ADAM9: variants seen among roughly 807,000 people sequenced by gnomAD.
ADAM9 encodes disintegrin and metalloproteinase domain-containing protein 9.
Under a neutral mutation model 108.1 loss-of-function variants are expected in ADAM9, and 54 were observed. The observed-to-expected ratio is 0.50, with a 90% CI of 0.40 to 0.63. The LOEUF (loss-of-function observed/expected upper bound fraction) is 0.63, where lower values mean the gene tolerates loss of function less well. ADAM9 is among the 20% of genes least tolerant of loss of function. The pLI, the probability that ADAM9 is intolerant of heterozygous loss-of-function variation, is 0.00. For synonymous variants in ADAM9, 316 were observed against 336.0 expected, an observed-to-expected ratio of 0.94 and a Z score of 0.65; for missense variants, 830 against 997.7, an observed-to-expected ratio of 0.83 and a Z score of 2.26.
At chr8:39,091,146 C>G in intron 19 of ADAM9, 113 bp from the exon 20 acceptor site, 1 of 974,884 alleles carries the variant, frequency 1.0e-6, no homozygotes, top group Non-Finnish European at 1.6e-6. Context: ...GATTATCATC[C>G]CCACCACTAC....
chr8:39,100,466 C>A (rs1349903782), intron 20 of ADAM9, among the ~76,000 whole-genome samples: 1 of 148,082 alleles, frequency 6.8e-6, no homozygotes, highest in Non-Finnish European at 1.5e-5. Flanking sequence ...GCACTCCAGC[C>A]AGGGCGACAG....
intron 14 of ADAM9, among the ~76,000 whole-genome samples, chr8:39,060,239 C>T (rs1295127688): frequency 6.6e-6 from 1 of 152,190 alleles, no homozygotes; most frequent in African/African-American, 2.4e-5. Context: ...CTGCACTGCA[C>T]CTGACCTATA....
chr8:39,012,457 A>G (rs1035348825), intron 3 of ADAM9, among the ~76,000 whole-genome samples: 4 of 152,234 alleles, frequency 2.6e-5, no homozygotes, highest in African/African-American at 9.6e-5. Context: ...TATATACCCA[A>G]TAGATTATAA....
At chr8:38,997,620 A>T (rs376614033) in intron 1 of ADAM9, among the ~76,000 whole-genome samples, 62 of 152,306 alleles carry the variant, frequency 4.1e-4, no homozygotes, top group African/African-American at 1.4e-3. Context: ...CTGAGAGATG[A>T]AACTTTTGCT....
At chr8:39,002,309 A>ATT (rs1836020341) in intron 1 of ADAM9, among the ~76,000 whole-genome samples, 1 of 107,494 alleles carries the variant, frequency 9.3e-6, no homozygotes, top group Non-Finnish European at 2.0e-5. Flanking sequence ...ATTAGGTAGA[A>ATT]TTCTTTTTTT....
chr8:39,038,028 T>G (rs1450872107), intron 11 of ADAM9, among the ~76,000 whole-genome samples: 1 of 152,184 alleles, frequency 6.6e-6, no homozygotes, highest in Non-Finnish European at 1.5e-5. Flanking sequence ...TTTCTCACTC[T>G]TCATCTTAAT....
At chr8:39,038,598 A>G (rs1837357683) in intron 11 of ADAM9, among the ~76,000 whole-genome samples, 1 of 152,190 alleles carries the variant, frequency 6.6e-6, no homozygotes, top group Admixed American at 6.5e-5. Context: ...CTGAATCATA[A>G]TCATAACCTT....
chr8:39,100,536 A>G (rs187144913), intron 20 of ADAM9, among the ~76,000 whole-genome samples: 4 of 151,800 alleles, frequency 2.6e-5, no homozygotes, highest in East Asian at 1.9e-4. Context: ...TCCCATACCC[A>G]TCACCTCACC....
chr8:39,021,775 A>G (rs776941930), intron 8 of ADAM9, 61 bp downstream of exon 8: 2 of 1,457,828 alleles, frequency 1.4e-6, no homozygotes, highest in African/African-American at 2.8e-5. Flanking sequence ...CCCAGAACAG[A>G]ACTTAAAAAT....
At chr8:39,023,517 C>CT (rs1356628327) in intron 9 of ADAM9, among the ~76,000 whole-genome samples, 192 bp downstream of exon 9, 3 of 151,956 alleles carry the variant, frequency 2.0e-5, no homozygotes, top group Admixed American at 6.6e-5. Context: ...CCATATCCTC[C>CT]TTTTTTCTTG....
chr8:39,014,666 C>CA (rs1836468174), intron 4 of ADAM9: 20 of 670,722 alleles, frequency 3.0e-5, no homozygotes, highest in Non-Finnish European at 5.1e-5. Flanking sequence ...AGGTATTATA[C>CA]CTTTTTTTCT....
chr8:39,045,389 TGTGTACACACACCTATATGTGC>T (rs1564301314), intron 12 of ADAM9, among the ~76,000 whole-genome samples: 12 of 129,566 alleles, frequency 9.3e-5, no homozygotes, highest in Admixed American at 2.2e-4. Context: ...CCTATAGGTG[TGTGTACACACACCTATATGTGC>T]GCGTGTGTAC....
chr8:39,021,729 C>T lies in ADAM9; in HGVS notation c.744+15C>T. 1.9e-6 allele frequency: 3 copies of T among 1,601,416 alleles called. No individual in the cohort carries two copies. Among genetic ancestry groups the T allele is most frequent in the Middle Eastern group, 1.7e-4 (1 of 6,038 alleles). On this transcript the variant is annotated intron_variant, in intron 8 of 21. Coordinates refer to ENST00000487273, the MANE Select transcript of ADAM9 (RefSeq NM_003816.3). Reference sequence around the variant, plus strand: ...ACTTGGATAGTGTAAGTTGTATTTTCTATCAACCAGGATGATTCTGTCCTA... The same window carrying T: ...ACTTGGATAGTGTAAGTTGTATTTTTTATCAACCAGGATGATTCTGTCCTA...
At chr8:39,038,247 A>G (rs1695878340) in intron 11 of ADAM9, among the ~76,000 whole-genome samples, 1 of 151,820 alleles carries the variant, frequency 6.6e-6, no homozygotes. Context: ...CAACTTCCCC[A>G]TTCCACTTAG....
At chr8:39,053,547 C>T (rs1838022570) in intron 12 of ADAM9, among the ~76,000 whole-genome samples, 1 of 152,152 alleles carries the variant, frequency 6.6e-6, no homozygotes, top group Non-Finnish European at 1.5e-5. Context: ...TAATTATAAT[C>T]TGAAAAGAAG....
intron 20 of ADAM9, among the ~76,000 whole-genome samples, chr8:39,097,221 T>G (rs2129443499): frequency 6.6e-6 from 1 of 152,134 alleles, no homozygotes; most frequent in Middle Eastern, 3.4e-3. Flanking sequence ...CTCTGTGAGG[T>G]TTTTTTCTGC....
At chr8:39,073,434 C>G (rs973631583) in intron 15 of ADAM9, among the ~76,000 whole-genome samples, 2 of 152,100 alleles carry the variant, frequency 1.3e-5, no homozygotes, top group Admixed American at 6.5e-5. Context: ...CTTTTCATTT[C>G]TGGAATATTC....
At chr8:39,099,340 T>C (rs1246999767) in intron 20 of ADAM9, among the ~76,000 whole-genome samples, 2 of 152,200 alleles carry the variant, frequency 1.3e-5, no homozygotes, top group African/African-American at 4.8e-5. Context: ...TGGTTTTTTT[T>C]TGGCCTGTAA....
At chr8:39,089,586 T>G (rs1338231988) in intron 18 of ADAM9, among the ~76,000 whole-genome samples, 1 of 152,214 alleles carries the variant, frequency 6.6e-6, no homozygotes, top group East Asian at 1.9e-4. Flanking sequence ...GTTTTTTTGG[T>G]AGTAGCAAAA....
Sources: allele counts gnomAD v4.1 joint callset (sites outside exome capture counted in the v4.1 genomes callset), GRCh38; gene constraint gnomAD v4.1.1; transcripts MANE v1.5; gene names NCBI Gene and HGNC (gene_info 2026-07-23, HGNC 2026-07-21).